Variants in ADGRL2 observed in about 807,000 individuals in gnomAD.
ADGRL2 encodes the protein calcium-independent alpha-latrotoxin receptor 2.
Under a neutral mutation model 157.4 loss-of-function variants are expected in ADGRL2, and 44 were observed. The ratio of observed to expected loss-of-function variants is 0.28; its 90% CI spans 0.22 to 0.36. The LOEUF is 0.36. Among genes scored for constraint, ADGRL2 ranks in the 10% least tolerant of loss-of-function variants. ADGRL2 has a pLI of 1.00. For synonymous variants in ADGRL2, 585 were observed against 624.7 expected, an observed-to-expected ratio of 0.94 and a Z score of 0.95; for missense variants, 1,510 against 1,768.9, an observed-to-expected ratio of 0.85 and a Z score of 2.63.
intron 3 of ADGRL2, among the ~76,000 whole-genome samples, chr1:81,633,596 A>T (rs1174549224): frequency 3.1e-5 from 2 of 64,382 alleles, no homozygotes; most frequent in Non-Finnish European, 3.9e-5. Flanking sequence ...ACTCTGTCTC[A>T]AAAAAAAAAA....
rs538171931 is a variant in ADGRL2, at chr1:81,737,252, G to T, written c.-142-24559G>T. On this transcript the variant is annotated intron_variant, in intron 1 of 20. Coordinates refer to the ADGRL2 transcript ENST00000359929. ...ACTGGGTTATTTATGAAGAAAAGAG[G>T]TTTAATTGACTCACAGTTCTGCAGG... is the stretch of plus-strand genomic sequence containing the variant. 1.5e-3 allele frequency among the ~76,000 whole-genome samples: 225 copies of T among 152,266 alleles called. 1 individual carries two copies. The highest frequency in any genetic ancestry group is 5.2e-3 in the African/African-American group (218 of 41,554).
intron 2 of ADGRL2, among the ~76,000 whole-genome samples, chr1:81,445,374 T>G (rs2077580191): frequency 1.3e-5 from 2 of 152,226 alleles, no homozygotes; most frequent in African/African-American, 4.8e-5. Context: ...CTTGTGATCT[T>G]AGGCATTTTT....
intron 1 of ADGRL2, among the ~76,000 whole-genome samples, chr1:81,365,874 T>A (rs2076056379): frequency 6.6e-6 from 1 of 152,186 alleles, no homozygotes; most frequent in Non-Finnish European, 1.5e-5. Context: ...CTTAATTTCT[T>A]CAATGAAAAA....
At chr1:81,568,146 T>A (rs906669813) in intron 2 of ADGRL2, among the ~76,000 whole-genome samples, 1 of 152,034 alleles carries the variant, frequency 6.6e-6, no homozygotes, top group African/African-American at 2.4e-5. Flanking sequence ...TTTAAAAAAA[T>A]TATATAGTGG....
intron 18 of ADGRL2, chr1:81,980,836 C>T (rs1661450783): frequency 1.4e-6 from 1 of 713,956 alleles, no homozygotes; most frequent in East Asian, 2.5e-5. Context: ...ACGGACTTAC[C>T]TGGGTAAGGT....
intron 2 of ADGRL2, among the ~76,000 whole-genome samples, chr1:81,866,362 G>A (rs1187447261): frequency 6.6e-6 from 1 of 151,918 alleles, no homozygotes; most frequent in Non-Finnish European, 1.5e-5. Flanking sequence ...TTATTTTTAT[G>A]TCTCTCCCAC....
chr1:81,686,347 T>G (rs2083228382), intron 3 of ADGRL2, among the ~76,000 whole-genome samples: 1 of 152,196 alleles, frequency 6.6e-6, no homozygotes, highest in South Asian at 2.1e-4. Flanking sequence ...ATCTAATTCT[T>G]CTTGATTTAA....
chr1:81,477,606 C>T (rs934831873), intron 2 of ADGRL2, among the ~76,000 whole-genome samples: 1 of 152,140 alleles, frequency 6.6e-6, no homozygotes, highest in Non-Finnish European at 1.5e-5. Context: ...TGCCCTGGCA[C>T]TCCTGCAGTT....
At chr1:81,649,769 A>T (rs1490399668) in intron 3 of ADGRL2, among the ~76,000 whole-genome samples, 2 of 152,208 alleles carry the variant, frequency 1.3e-5, no homozygotes, top group Non-Finnish European at 2.9e-5. Flanking sequence ...GCCCAAGGTC[A>T]TGATGAGGAG....
Position 81,986,940 on chromosome 1 carries a change from G to C in ADGRL2, c.3548G>C (p.Arg1183Pro). The change falls in exon 22 of 24, where the codon CGA (arginine) becomes CCA (proline). Residue 1183 changes from arginine (R) to proline (P), a missense_variant. By Grantham distance (103) the Arg-to-Pro change is moderately radical. Around this residue, in one of 4 missense-constraint regions of ADGRL2, gnomAD observed 497 missense variants for 627.2 expected, o/e 0.79. Transcript: ENST00000686636. ...GNYLLTNPLL[R>P]PHGTNNPYNT... ...TACCTACTAACAAACCCTCTTCTTC[G>C]ACCCCACGGCACTAACAACCCCTAT... 6.2e-7 allele frequency: 1 copy of C among 1,607,766 alleles called. No homozygotes were observed. The highest frequency in any genetic ancestry group is 1.1e-5 in the South Asian group (1 of 90,912).
chr1:81,938,380 C>G (rs554038499), intron 4 of ADGRL2, among the ~76,000 whole-genome samples: 1 of 151,708 alleles, frequency 6.6e-6, no homozygotes, highest in South Asian at 2.1e-4. Flanking sequence ...GTCTATAGAC[C>G]AAGAACAGTG....
At chr1:81,777,994 A>G (rs2086653997) in intron 2 of ADGRL2, among the ~76,000 whole-genome samples, 1 of 152,018 alleles carries the variant, frequency 6.6e-6, no homozygotes, top group Admixed American at 6.5e-5. Flanking sequence ...GCCATTGGGT[A>G]CAATCATCAA....
chr1:81,417,632 C>A (rs1266927348), intron 1 of ADGRL2, among the ~76,000 whole-genome samples: 1 of 152,186 alleles, frequency 6.6e-6, no homozygotes, highest in Non-Finnish European at 1.5e-5. Flanking sequence ...AAATATATTA[C>A]TAGGCTCTAC....
intron 1 of ADGRL2, among the ~76,000 whole-genome samples, chr1:81,820,534 A>AT (rs1178521133): frequency 2.6e-5 from 4 of 151,264 alleles, no homozygotes; most frequent in Admixed American, 6.6e-5. Context: ...CACTCTTCAG[A>AT]TTTTTTTTCT....
intron 3 of ADGRL2, among the ~76,000 whole-genome samples, chr1:81,935,626 A>C (rs17430194): frequency 0.081 from 12,233 of 151,956 alleles, 574 homozygotes; most frequent in African/African-American, 0.14. Context: ...TGTACTATCG[A>C]ATATGTGGTA....
intron 2 of ADGRL2, among the ~76,000 whole-genome samples, chr1:81,567,011 A>G (rs2080577733): frequency 6.6e-6 from 1 of 152,156 alleles, no homozygotes; most frequent in Non-Finnish European, 1.5e-5. Context: ...GTATCTGTAT[A>G]TGCAAATTAC....
intron 2 of ADGRL2, among the ~76,000 whole-genome samples, chr1:81,878,917 A>T (rs1446742479): frequency 3.3e-5 from 5 of 152,216 alleles, no homozygotes; most frequent in Non-Finnish European, 7.4e-5. Flanking sequence ...TTCATATCAA[A>T]AGTTAGCACT....
intron 2 of ADGRL2, among the ~76,000 whole-genome samples, chr1:81,558,347 T>C (rs2080361412): frequency 6.6e-6 from 1 of 152,204 alleles, no homozygotes; most frequent in Non-Finnish European, 1.5e-5. Context: ...AAGAAAGTAA[T>C]AGTTTATTTG....
upstream of ADGRL2, among the ~76,000 whole-genome samples, chr1:81,795,749 A>G (rs988640364): frequency 6.6e-6 from 1 of 152,142 alleles, no homozygotes. Context: ...ATCTTTAAGG[A>G]TTTAGATTTG....
Sources: gnomAD v4.1 joint callset for allele counts (sites outside exome capture counted in the v4.1 genomes callset) on GRCh38, gnomAD v4.1.1 for gene constraint, gnomAD v4.1.1 regional missense constraint, MANE v1.5 for transcripts, NCBI Gene and HGNC (gene_info 2026-07-23, HGNC 2026-07-21) for gene names.